The following SGCD variants were observed in gnomAD, a reference collection of about 807,000 sequenced individuals.
The protein encoded by SGCD is sarcoglycan delta.
SGCD carries 18 observed loss-of-function variants against 36.6 expected under a neutral mutation model. The observed-to-expected ratio is 0.49, with a 90% CI of 0.34 to 0.73. The LOEUF (loss-of-function observed/expected upper bound fraction) is 0.73, where lower values mean the gene tolerates loss of function less well. Among genes scored for constraint, SGCD ranks in the 30% least tolerant of loss-of-function variants. SGCD has a pLI of 0.01. For missense variants in SGCD, 387 were observed against 346.7 expected (o/e 1.12, Z -0.92); for synonymous variants, 133 against 130.6 (o/e 1.02, Z -0.12).
intron 1 of SGCD, among the ~76,000 whole-genome samples, chr5:156,024,744 GTT>G (rs1250039178): frequency 6.6e-6 from 1 of 152,148 alleles, no homozygotes; most frequent in African/African-American, 2.4e-5. Flanking sequence ...GATTGCCTGA[GTT>G]TAGGAGTTCG....
chr5:156,399,004 T>G (rs1160892044), intron 3 of SGCD, among the ~76,000 whole-genome samples: 1 of 152,214 alleles, frequency 6.6e-6, no homozygotes, highest in Non-Finnish European at 1.5e-5. Context: ...GTAGAACATT[T>G]CCATTATTTC....
At chr5:155,757,001 G>A in the SGCD span, among the ~76,000 whole-genome samples, 6 of 152,192 alleles carry the variant, frequency 3.9e-5, no homozygotes, top group African/African-American at 1.4e-4. Flanking sequence ...TTCACGGTAA[G>A]CAGTGGGTGA....
At position 156,765,672 on chromosome 5, in the gene SGCD, A is replaced by G. The variant is rs1028395078; in HGVS notation, c.*6282A>G. On this transcript the variant is annotated 3_prime_UTR_variant, in exon 9 of 9. Coordinates refer to ENST00000337851, the MANE Select transcript of SGCD (RefSeq NM_000337.6). Reference sequence around the variant, plus strand: ...TGAGTTGGGTTTTAATATAGTTCCAATATTCGGATGTGAAAACTGAGGCTT... The same window carrying G: ...TGAGTTGGGTTTTAATATAGTTCCAGTATTCGGATGTGAAAACTGAGGCTT... 5 of 152,168 alleles carry G rather than the reference A, an allele frequency of 3.3e-5. No individual in the cohort carries two copies. Among genetic ancestry groups the G allele is most frequent in the African/African-American group, 7.2e-5 (3 of 41,430 alleles). 9.4% of individuals were successfully genotyped at this position (152,168 alleles called of 1,614,324 possible).
chr5:155,818,671 C>G, the SGCD span, among the ~76,000 whole-genome samples: 7 of 152,268 alleles, frequency 4.6e-5, no homozygotes, highest in South Asian at 1.5e-3. Flanking sequence ...CAGGCACATG[C>G]CACCATGTCT....
At chr5:155,766,916 C>T in the SGCD span, among the ~76,000 whole-genome samples, 10 of 152,224 alleles carry the variant, frequency 6.6e-5, no homozygotes, top group East Asian at 1.2e-3. Context: ...TTCTTTCCCT[C>T]GAGTAGCCAC....
At chr5:156,712,485 C>T (rs1755036190) in intron 7 of SGCD, among the ~76,000 whole-genome samples, 1 of 152,062 alleles carries the variant, frequency 6.6e-6, no homozygotes, top group Non-Finnish European at 1.5e-5. Context: ...TTAACTATAC[C>T]AATCGACTTC....
chr5:156,698,291 C>T (rs749316832), intron 7 of SGCD, among the ~76,000 whole-genome samples: 21 of 152,338 alleles, frequency 1.4e-4, no homozygotes, highest in Non-Finnish European at 2.8e-4. Flanking sequence ...ACAGGACCAG[C>T]AGTCTCTAAG....
At chr5:156,324,848 A>T (rs1430206784), upstream of SGCD, among the ~76,000 whole-genome samples, 2 of 152,170 alleles carry the variant, frequency 1.3e-5, no homozygotes, top group African/African-American at 4.8e-5. Flanking sequence ...AGACTGTGGA[A>T]CCCCACGTAG....
rs1199879228 is a variant in SGCD, at chr5:156,767,127, T to C, written c.*7737T>C. The C allele has an allele frequency of 6.6e-6, 1 of 152,188 alleles. No individual in the cohort carries two copies. Among genetic ancestry groups the C allele is most frequent in the Non-Finnish European group, 1.5e-5 (1 of 68,026 alleles). 9.4% of individuals were successfully genotyped at this position (152,188 alleles called of 1,614,324 possible). ...GAATAGATACCATTAAAGGGTCTCA[T>C]AGGACTAACCTTACCAGAGCCAGAA... is the stretch of plus-strand genomic sequence containing the variant. On this transcript the variant is annotated 3_prime_UTR_variant, in exon 9 of 9. Transcript: ENST00000337851.
chr5:156,226,597 T>C (rs1336749791), intron 3 of SGCD, among the ~76,000 whole-genome samples: 77 of 152,190 alleles, frequency 5.1e-4, no homozygotes, highest in Admixed American at 5.0e-3. Flanking sequence ...GGCAGATTGC[T>C]GGATCAAATG....
chr5:156,105,836 G>C (rs1761632037), intron 1 of SGCD, among the ~76,000 whole-genome samples: 1 of 151,918 alleles, frequency 6.6e-6, no homozygotes, highest in South Asian at 2.1e-4. Flanking sequence ...GGAGAGGCTG[G>C]TTGCGGTGGA....
intron 3 of SGCD, among the ~76,000 whole-genome samples, chr5:156,291,347 AC>A (rs1429079602): frequency 6.6e-6 from 1 of 152,134 alleles, no homozygotes. Flanking sequence ...CATGTAAAAA[AC>A]AACCAGATGT....
chr5:156,703,081 T>A (rs1754590512), intron 7 of SGCD, among the ~76,000 whole-genome samples: 1 of 152,180 alleles, frequency 6.6e-6, no homozygotes, highest in African/African-American at 2.4e-5. Flanking sequence ...GCAAGGGAAA[T>A]TGACTCTGAC....
chr5:156,726,163 G>A (rs1755762661), intron 7 of SGCD, among the ~76,000 whole-genome samples: 2 of 152,134 alleles, frequency 1.3e-5, no homozygotes, highest in Non-Finnish European at 2.9e-5. Context: ...AAATATTTTA[G>A]AACTATTTGC....
chr5:156,688,819 A>G (rs1414653620), intron 7 of SGCD, among the ~76,000 whole-genome samples: 1 of 152,256 alleles, frequency 6.6e-6, no homozygotes, highest in African/African-American at 2.4e-5. Flanking sequence ...TGGACAGCCA[A>G]AAACCTACCA....
intron 3 of SGCD, among the ~76,000 whole-genome samples, chr5:156,504,055 T>A (rs984064216): frequency 1.3e-5 from 2 of 151,670 alleles, no homozygotes; most frequent in Non-Finnish European, 2.9e-5. Flanking sequence ...AATGCAAAAA[T>A]TAGCCAGGCA....
intron 7 of SGCD, among the ~76,000 whole-genome samples, chr5:156,746,203 T>G (rs1257199651): frequency 6.6e-6 from 1 of 151,410 alleles, no homozygotes. Context: ...ATCACAACAG[T>G]GAGAAGCAGA....
At chr5:156,639,176 GT>G (rs1284194147) in intron 6 of SGCD, among the ~76,000 whole-genome samples, 1 of 151,930 alleles carries the variant, frequency 6.6e-6, no homozygotes, top group Non-Finnish European at 1.5e-5. Flanking sequence ...ATGTATGTGT[GT>G]GTATATACAC....
the SGCD span, among the ~76,000 whole-genome samples, chr5:155,846,875 C>T: frequency 6.6e-6 from 1 of 152,270 alleles, no homozygotes; most frequent in South Asian, 2.1e-4. Context: ...TCTATTCAAC[C>T]TCTCAACCTC....
Sources: allele counts gnomAD v4.1 joint callset (sites outside exome capture counted in the v4.1 genomes callset), GRCh38; gene constraint gnomAD v4.1.1; transcripts MANE v1.5; gene names NCBI Gene and HGNC (gene_info 2026-07-23, HGNC 2026-07-21).